The following EBF1 variants were observed in gnomAD, a reference collection of about 807,000 sequenced individuals.
EBF1 encodes transcription factor COE1.
In EBF1, 10 loss-of-function variants were observed where a neutral mutation model predicts 68.4. The ratio of observed to expected loss-of-function variants is 0.15; its 90% confidence interval spans 0.09 to 0.25. The LOEUF (loss-of-function observed/expected upper bound fraction) is 0.25, where lower values mean the gene tolerates loss of function less well. Among genes scored for constraint, EBF1 ranks in the 10% least tolerant of loss-of-function variants. The probability of loss-of-function intolerance (pLI) is 1.00; values close to 1 mark genes in which losing one functional copy is unlikely to be tolerated. For synonymous variants in EBF1, 298 were observed against 299.8 expected, an observed-to-expected ratio of 0.99 and a Z score of 0.06; for missense variants, 509 against 794.4, an observed-to-expected ratio of 0.64 and a Z score of 4.32.
chr5:158,720,681 A>G (rs1272392395), intron 11 of EBF1, among the ~76,000 whole-genome samples: 2 of 152,308 alleles, frequency 1.3e-5, no homozygotes, highest in East Asian at 1.9e-4. Flanking sequence ...TAGAAGCCCT[A>G]TGACTGAGAA....
At chr5:158,955,316 T>TC (rs1486370402) in intron 6 of EBF1, among the ~76,000 whole-genome samples, 3 of 150,632 alleles carry the variant, frequency 2.0e-5, no homozygotes, top group African/African-American at 4.9e-5. Flanking sequence ...AGAGCGAAAC[T>TC]CCATCTAAAA....
intron 9 of EBF1, among the ~76,000 whole-genome samples, chr5:158,781,075 A>C (rs1203037692): frequency 6.6e-6 from 1 of 152,184 alleles, no homozygotes; most frequent in Non-Finnish European, 1.5e-5. Context: ...GACAATAATC[A>C]TAAGACGTAA....
intron 7 of EBF1, among the ~76,000 whole-genome samples, chr5:158,832,556 G>C (rs1475845063): frequency 1.3e-5 from 2 of 152,210 alleles, no homozygotes; most frequent in Admixed American, 1.3e-4. Context: ...ATTGCAAGAT[G>C]TGCTATTTGT....
intron 4 of EBF1, among the ~76,000 whole-genome samples, chr5:159,091,830 G>A (rs115114686): frequency 5.3e-5 from 8 of 152,036 alleles, no homozygotes; most frequent in Non-Finnish European, 1.2e-4. Flanking sequence ...ACCTTTTCAC[G>A]GTCTCCTCAC....
intron 5 of EBF1, among the ~76,000 whole-genome samples, chr5:159,077,710 C>A (rs916843406): frequency 1.0e-4 from 15 of 147,530 alleles, no homozygotes; most frequent in Admixed American, 5.4e-4. Context: ...GAATGGAAGA[C>A]GTGCATTTTA....
intron 6 of EBF1, among the ~76,000 whole-genome samples, chr5:158,908,543 T>A (rs894312383): frequency 3.9e-5 from 6 of 152,134 alleles, no homozygotes; most frequent in African/African-American, 1.4e-4. Context: ...AATTAACCAC[T>A]CTAGGTTTTA....
At chr5:158,836,943 A>C (rs1261626990) in intron 7 of EBF1, among the ~76,000 whole-genome samples, 1 of 152,220 alleles carries the variant, frequency 6.6e-6, no homozygotes, top group Non-Finnish European at 1.5e-5. Flanking sequence ...GAGCATTGTC[A>C]GTGTCAGAGT....
At chr5:158,896,183 A>G (rs1209023599) in intron 6 of EBF1, among the ~76,000 whole-genome samples, 1 of 152,224 alleles carries the variant, frequency 6.6e-6, no homozygotes, top group Non-Finnish European at 1.5e-5. Flanking sequence ...CTTGAGGATA[A>G]AGAGCTTTCA....
intron 6 of EBF1, among the ~76,000 whole-genome samples, chr5:158,874,145 C>T (rs190287270): frequency 6.6e-6 from 1 of 152,170 alleles, no homozygotes; most frequent in East Asian, 1.9e-4. Flanking sequence ...TTATGAGCTG[C>T]CATGAATTTT....
chr5:158,842,043 G>A (rs1790435992), intron 6 of EBF1, among the ~76,000 whole-genome samples: 1 of 152,218 alleles, frequency 6.6e-6, no homozygotes, highest in Admixed American at 6.5e-5. Context: ...CCAGCTGTGT[G>A]AAACAAAATC....
intron 4 of EBF1, among the ~76,000 whole-genome samples, chr5:159,094,190 A>C (rs1782165954): frequency 3.4e-5 from 5 of 146,828 alleles, no homozygotes; most frequent in South Asian, 2.1e-4. Context: ...AAAAAAAAAA[A>C]AAAACACAGT....
chr5:158,997,645 G>A (rs1362408446), intron 6 of EBF1, among the ~76,000 whole-genome samples: 4 of 151,974 alleles, frequency 2.6e-5, no homozygotes, highest in African/African-American at 7.3e-5. Context: ...TTGTCCTTAC[G>A]CCATGCAAAT....
At chr5:158,770,662 C>T (rs1271927755) in intron 10 of EBF1, among the ~76,000 whole-genome samples, 1 of 152,086 alleles carries the variant, frequency 6.6e-6, no homozygotes, top group African/African-American at 2.4e-5. Context: ...CCACCCAGGG[C>T]CTTCTCATTT....
At chr5:159,087,431 C>T (rs1055969711) in intron 4 of EBF1, among the ~76,000 whole-genome samples, 1 of 147,472 alleles carries the variant, frequency 6.8e-6, no homozygotes, top group African/African-American at 2.5e-5. Flanking sequence ...TATATACACA[C>T]ATATATATAC....
intron 10 of EBF1, among the ~76,000 whole-genome samples, chr5:158,756,290 AG>A (rs1456311124): frequency 6.6e-6 from 1 of 151,870 alleles, no homozygotes; most frequent in Non-Finnish European, 1.5e-5. Flanking sequence ...TTTATGAGAT[AG>A]ACTATAGCGT....
At chr5:158,950,168 G>A (rs1391224588) in intron 6 of EBF1, among the ~76,000 whole-genome samples, 2 of 152,196 alleles carry the variant, frequency 1.3e-5, no homozygotes, top group African/African-American at 4.8e-5. Context: ...AATTAACACT[G>A]ATGAAATTGG....
chr5:158,896,750 T>G (rs1392260266), intron 6 of EBF1, among the ~76,000 whole-genome samples: 1 of 152,208 alleles, frequency 6.6e-6, no homozygotes, highest in Admixed American at 6.5e-5. Flanking sequence ...ATTGTCTCTG[T>G]AGGCCAAATG....
chr5:159,089,404 A>G (rs966488038), intron 4 of EBF1, among the ~76,000 whole-genome samples: 1 of 152,166 alleles, frequency 6.6e-6, no homozygotes, highest in Admixed American at 6.5e-5. Context: ...GTTTTGAAAG[A>G]CATACTGTGA....
intron 6 of EBF1, among the ~76,000 whole-genome samples, chr5:159,028,765 G>A (rs567229938): frequency 1.5e-4 from 23 of 152,254 alleles, no homozygotes; most frequent in African/African-American, 5.3e-4. Flanking sequence ...GGAAGGAAAG[G>A]AGGAGCTTCT....
Sources: allele counts gnomAD v4.1 joint callset (sites outside exome capture counted in the v4.1 genomes callset), GRCh38; gene constraint gnomAD v4.1.1; transcripts MANE v1.5; gene names NCBI Gene and HGNC (gene_info 2026-07-23, HGNC 2026-07-21).